Variants in TNS3 observed in about 807,000 individuals in gnomAD.
The protein encoded by TNS3 is tensin 3, also known as tensin-3.
TNS3 carries 45 observed loss-of-function variants against 140.9 expected under a neutral mutation model. That is an observed-to-expected ratio of 0.32 (90% CI 0.25 to 0.41). The LOEUF (loss-of-function observed/expected upper bound fraction) is 0.41. Among genes scored for constraint, TNS3 ranks in the 10% least tolerant of loss-of-function variants. The probability of loss-of-function intolerance (pLI) is 1.00; values close to 1 mark genes in which losing one functional copy is unlikely to be tolerated. For missense variants in TNS3, 1,716 were observed against 1,906.7 expected, an observed-to-expected ratio of 0.90 and a Z score of 1.86; for synonymous variants, 815 against 788.4, an observed-to-expected ratio of 1.03 and a Z score of -0.56.
chr7:47,388,479 G>A (rs897383156), intron 16 of TNS3, among the ~76,000 whole-genome samples: 1 of 152,166 alleles, frequency 6.6e-6, no homozygotes. Flanking sequence ...TGGTTAAGTG[G>A]GCAGGGTCAC....
At chr7:47,481,440 A>C (rs1470293518) in intron 3 of TNS3, among the ~76,000 whole-genome samples, 1 of 152,194 alleles carries the variant, frequency 6.6e-6, no homozygotes. Context: ...AAGAACTGGT[A>C]GACCTCAAGG....
chr7:47,435,436 C>T (rs762780446), intron 7 of TNS3, 32 bp from the exon 8 acceptor site: 3 of 1,610,094 alleles, frequency 1.9e-6, no homozygotes, highest in Non-Finnish European at 2.5e-6. Flanking sequence ...TCCTCGGTTT[C>T]CATTTCCTAA....
At chr7:47,496,283 C>T (rs1013122659) in intron 3 of TNS3, among the ~76,000 whole-genome samples, 2 of 152,162 alleles carry the variant, frequency 1.3e-5, no homozygotes, top group Non-Finnish European at 2.9e-5. Context: ...TTGGGGTCTT[C>T]TAGAAAGGGG....
intron 12 of TNS3, among the ~76,000 whole-genome samples, chr7:47,413,177 C>A (rs866667364): frequency 1.3e-5 from 2 of 148,544 alleles, no homozygotes; most frequent in African/African-American, 4.9e-5. Flanking sequence ...TGGTCTCAAT[C>A]TCTTGACCTT....
chr7:47,283,336 G>T (rs1274190691), intron 28 of TNS3, among the ~76,000 whole-genome samples: 2 of 152,208 alleles, frequency 1.3e-5, no homozygotes, highest in African/African-American at 4.8e-5. Flanking sequence ...TAAAACAATA[G>T]GTTCCAAGAT....
chr7:47,513,911 G>A (rs892291187), intron 2 of TNS3, among the ~76,000 whole-genome samples: 2 of 152,334 alleles, frequency 1.3e-5, no homozygotes, highest in South Asian at 2.1e-4. Flanking sequence ...CCTGGCTCCC[G>A]CTGCAGCAGT....
At chr7:47,399,080 G>GAAAAAAAAA (rs55834937) in intron 15 of TNS3, among the ~76,000 whole-genome samples, 3 of 93,602 alleles carry the variant, frequency 3.2e-5, no homozygotes, top group Non-Finnish European at 5.9e-5. Flanking sequence ...TACGACAGCT[G>GAAAAAAAAA]AAAAAAAAAA....
At chr7:47,307,007 C>T (rs1459364971) in intron 20 of TNS3, among the ~76,000 whole-genome samples, 1 of 152,152 alleles carries the variant, frequency 6.6e-6, no homozygotes, top group Non-Finnish European at 1.5e-5. Context: ...TTTCATGAAA[C>T]TTTAAAAACC....
intron 3 of TNS3, among the ~76,000 whole-genome samples, chr7:47,490,869 T>C (rs1584763468): frequency 6.6e-6 from 1 of 152,146 alleles, no homozygotes; most frequent in South Asian, 2.1e-4. Context: ...ACAGAAATAG[T>C]GTGCCCAGCA....
intron 4 of TNS3, among the ~76,000 whole-genome samples, chr7:47,456,895 C>A (rs1796268393): frequency 6.6e-6 from 1 of 151,698 alleles, no homozygotes; most frequent in African/African-American, 2.4e-5. Flanking sequence ...GTTTCTCAGC[C>A]CTTTTGAAGG....
At chr7:47,549,921 G>A (rs1289723507) in intron 1 of TNS3, among the ~76,000 whole-genome samples, 6 of 147,108 alleles carry the variant, frequency 4.1e-5, no homozygotes, top group East Asian at 2.1e-4. Context: ...CTCTACCCAC[G>A]TCCCCGCCCT....
intron 18 of TNS3, among the ~76,000 whole-genome samples, chr7:47,345,960 C>T (rs1789313043): frequency 1.3e-5 from 2 of 152,206 alleles, no homozygotes; most frequent in South Asian, 4.1e-4. Flanking sequence ...CTCTGGGGTG[C>T]ATTACCCAGG....
chr7:47,362,311 A>G (rs891858501), intron 17 of TNS3, among the ~76,000 whole-genome samples: 1 of 152,104 alleles, frequency 6.6e-6, no homozygotes, highest in African/African-American at 2.4e-5. Context: ...CAGCCACCAG[A>G]GCTTTGTGAT....
intron 17 of TNS3, among the ~76,000 whole-genome samples, chr7:47,364,397 C>T (rs1790573830): frequency 6.6e-6 from 1 of 151,506 alleles, no homozygotes; most frequent in Non-Finnish European, 1.5e-5. Flanking sequence ...ATTCTCCTGC[C>T]TCAGCCTCCC....
rs1395175350 is a variant in TNS3, at chr7:47,275,333, T to G, written c.*2743A>C. 6.5e-6 allele frequency: 1 copy of G among 152,730 alleles called. No individual in the cohort carries two copies. The highest frequency in any genetic ancestry group is 1.5e-5 in the Non-Finnish European group (1 of 68,088). The allele number at this position is 152,730 out of a possible 1,614,324, so 9.5% of individuals were successfully genotyped here. On this transcript the variant is annotated 3_prime_UTR_variant, in exon 31 of 31. Transcript: ENST00000311160. ...GAAGACGTTACAAGGTATTTGATGCTGAGAATAAATGCACAGTGACTTTTA... is the reference window on the plus strand; with the variant it reads ...GAAGACGTTACAAGGTATTTGATGCGGAGAATAAATGCACAGTGACTTTTA...
intron 1 of TNS3, among the ~76,000 whole-genome samples, chr7:47,576,627 G>A (rs1426467586): frequency 2.0e-5 from 3 of 152,220 alleles, no homozygotes. Context: ...CCAGCCCGGC[G>A]CTCCAGGGAG....
At chr7:47,477,005 G>A (rs1315334175) in intron 4 of TNS3, among the ~76,000 whole-genome samples, 3 of 152,146 alleles carry the variant, frequency 2.0e-5, no homozygotes, top group Admixed American at 6.5e-5. Flanking sequence ...GGTTCAATGC[G>A]CCACAATCAC....
chr7:47,285,709 C>G (rs1785383992), intron 27 of TNS3, among the ~76,000 whole-genome samples: 2 of 152,316 alleles, frequency 1.3e-5, no homozygotes, highest in South Asian at 4.1e-4. Context: ...GGTCCCGCTT[C>G]TGAGGAGATT....
intron 16 of TNS3, among the ~76,000 whole-genome samples, chr7:47,387,386 C>T (rs1387411615): frequency 2.6e-5 from 4 of 152,218 alleles, no homozygotes; most frequent in Non-Finnish European, 5.9e-5. Flanking sequence ...CTCCTAAGGT[C>T]AACGCCAGCA....
Sources: gnomAD v4.1 joint callset for allele counts (sites outside exome capture counted in the v4.1 genomes callset) on GRCh38, gnomAD v4.1.1 for gene constraint, MANE v1.5 for transcripts, NCBI Gene and HGNC (gene_info 2026-07-23, HGNC 2026-07-21) for gene names.